TOM1L2: variants seen among roughly 807,000 people sequenced by gnomAD.
TOM1L2 encodes the protein TOM1-like protein 2.
TOM1L2 carries 31 observed loss-of-function variants against 67.9 expected under a neutral mutation model. That is an observed-to-expected ratio of 0.46 (90% CI 0.34 to 0.62). The LOEUF (loss-of-function observed/expected upper bound fraction) is 0.62, where lower values mean the gene tolerates loss of function less well. Among genes scored for constraint, TOM1L2 ranks in the 20% least tolerant of loss-of-function variants. TOM1L2 has a pLI of 0.01. For missense variants in TOM1L2, 606 were observed against 663.5 expected, an observed-to-expected ratio of 0.91 and a Z score of 0.95; for synonymous variants, 256 against 254.0, an observed-to-expected ratio of 1.01 and a Z score of -0.07.
intron 1 of TOM1L2, among the ~76,000 whole-genome samples, chr17:17,959,674 CA>C (rs375630726): frequency 4.6e-5 from 7 of 151,888 alleles, no homozygotes; most frequent in African/African-American, 1.4e-4. Flanking sequence ...TGAGGAGCAG[CA>C]AAAAAAACTC....
At chr17:17,968,744 G>A (rs1246962818) in intron 1 of TOM1L2, among the ~76,000 whole-genome samples, 2 of 150,530 alleles carry the variant, frequency 1.3e-5, no homozygotes, top group African/African-American at 4.9e-5. Flanking sequence ...AACCCTACTT[G>A]CCACCACTCC....
intron 1 of TOM1L2, among the ~76,000 whole-genome samples, chr17:17,938,869 G>A (rs1374141870): frequency 2.6e-5 from 4 of 151,578 alleles, no homozygotes; most frequent in Non-Finnish European, 2.9e-5. Context: ...CACCACACCC[G>A]GTCTAGGTCG....
At chr17:17,897,001 G>A (rs991788626) in intron 3 of TOM1L2, among the ~76,000 whole-genome samples, 3 of 152,144 alleles carry the variant, frequency 2.0e-5, no homozygotes, top group Non-Finnish European at 4.4e-5. Flanking sequence ...CAAAGGCATG[G>A]CTGGGTTTGT....
intron 9 of TOM1L2, 92 bp from the exon 10 acceptor site, chr17:17,866,511 A>G (rs1568101140): frequency 5.5e-6 from 8 of 1,444,864 alleles, no homozygotes; most frequent in Non-Finnish European, 6.4e-6. Context: ...GGGTTCCAAG[A>G]AGAAAAGTAT....
chr17:17,850,038 G>A (rs184602373), intron 13 of TOM1L2, among the ~76,000 whole-genome samples: 116 of 152,294 alleles, frequency 7.6e-4, no homozygotes, highest in Non-Finnish European at 1.4e-3. Context: ...CAGACAGCCA[G>A]GCTGACCCTG....
In TOM1L2 at chr17:17,850,965, C is replaced by T; in HGVS notation, c.1279-13G>A. ...GCGCAACGGGGATCTATGGAGGCGG[C>T]AAGCAGCGGGCCAGGCAGCCCCCAC... is the stretch of plus-strand genomic sequence containing the variant. On this transcript the variant is annotated splice_polypyrimidine_tract_variant and intron_variant, in intron 12 of 14. Transcript: ENST00000379504. 6.2e-7 allele frequency: 1 copy of T among 1,613,574 alleles called. No homozygotes were observed.
At chr17:17,954,881 C>G (rs2041363920) in intron 1 of TOM1L2, among the ~76,000 whole-genome samples, 1 of 152,320 alleles carries the variant, frequency 6.6e-6, no homozygotes, top group East Asian at 1.9e-4. Flanking sequence ...CACACAGATA[C>G]TACGCTCTAA....
chr17:17,936,409 G>A (rs992678605), intron 1 of TOM1L2, among the ~76,000 whole-genome samples: 1 of 152,152 alleles, frequency 6.6e-6, no homozygotes, highest in African/African-American at 2.4e-5. Flanking sequence ...CTAAGCATAT[G>A]TAAAGCAATA....
chr17:17,865,621 C>A (rs2036803274), intron 10 of TOM1L2, among the ~76,000 whole-genome samples: 1 of 152,020 alleles, frequency 6.6e-6, no homozygotes. Flanking sequence ...TCAAGTGATC[C>A]ACCCACCTCA....
chr17:17,940,736 T>A (rs1263013105), intron 1 of TOM1L2, among the ~76,000 whole-genome samples: 1 of 152,176 alleles, frequency 6.6e-6, no homozygotes, highest in Non-Finnish European at 1.5e-5. Context: ...CTAATTCAAA[T>A]AAATAGCCAC....
chr17:17,969,645 C>A (rs2145100572), intron 1 of TOM1L2, among the ~76,000 whole-genome samples: 1 of 152,218 alleles, frequency 6.6e-6, no homozygotes, highest in Admixed American at 6.5e-5. Context: ...ATGGTGAATC[C>A]TGGGGCCTGG....
At chr17:17,866,731 T>G in intron 9 of TOM1L2, 145 bp downstream of exon 9, 1 of 887,376 alleles carries the variant, frequency 1.1e-6, no homozygotes, top group Non-Finnish European at 1.8e-6. Flanking sequence ...AGCTCTGCCC[T>G]AGTATCCCAT....
intron 6 of TOM1L2, among the ~76,000 whole-genome samples, chr17:17,880,119 A>C (rs2037643816): frequency 6.6e-6 from 1 of 152,152 alleles, no homozygotes. Context: ...TTTAAAATCC[A>C]AGTGCAGGAG....
At chr17:17,874,755 G>T (rs1417849639) in intron 7 of TOM1L2, among the ~76,000 whole-genome samples, 1 of 152,152 alleles carries the variant, frequency 6.6e-6, no homozygotes, top group Non-Finnish European at 1.5e-5. Context: ...CCTTCCCACT[G>T]GGGTGGTGGG....
chr17:17,875,165 G>A (rs980265095), intron 7 of TOM1L2, among the ~76,000 whole-genome samples: 2 of 151,758 alleles, frequency 1.3e-5, no homozygotes, highest in Non-Finnish European at 2.9e-5. Flanking sequence ...GCTGAAGCAG[G>A]AGAATCACTT....
At chr17:17,943,867 A>G (rs1382301392) in intron 1 of TOM1L2, among the ~76,000 whole-genome samples, 4 of 152,174 alleles carry the variant, frequency 2.6e-5, no homozygotes, top group Admixed American at 6.5e-5. Flanking sequence ...CCAGAGCCCA[A>G]GGTCTAGCTG....
intron 2 of TOM1L2, 142 bp downstream of exon 2, chr17:17,907,305 C>A: frequency 1.5e-6 from 1 of 675,794 alleles, no homozygotes; most frequent in Non-Finnish European, 2.4e-6. Context: ...ACAGATAATT[C>A]AGAGTGTCAG....
chr17:17,883,558 C>A (rs1598261851), intron 5 of TOM1L2, among the ~76,000 whole-genome samples: 1 of 152,052 alleles, frequency 6.6e-6, no homozygotes, highest in African/African-American at 2.4e-5. Flanking sequence ...CACAATGAAA[C>A]CCTGTCTCTA....
At chr17:17,883,129 C>T (rs998619190) in intron 5 of TOM1L2, among the ~76,000 whole-genome samples, 2 of 152,150 alleles carry the variant, frequency 1.3e-5, no homozygotes, top group African/African-American at 2.4e-5. Flanking sequence ...AAGGCAGCAC[C>T]GAGAGTGCTC....
Sources: allele counts gnomAD v4.1 joint callset (sites outside exome capture counted in the v4.1 genomes callset), GRCh38; gene constraint gnomAD v4.1.1; transcripts MANE v1.5; gene names NCBI Gene and HGNC (gene_info 2026-07-23, HGNC 2026-07-21).